POU2AF1: variants seen among roughly 807,000 people sequenced by gnomAD.
POU2AF1 encodes the protein POU class 2 homeobox associating factor 1, also known as POU domain class 2-associating factor 1.
In POU2AF1, 12 loss-of-function variants were observed where a neutral mutation model predicts 26.3. That is an observed-to-expected ratio of 0.46 (90% CI 0.29 to 0.74). The LOEUF (loss-of-function observed/expected upper bound fraction) is 0.74, where lower values mean the gene tolerates loss of function less well. Ranked by LOEUF, POU2AF1 falls within the 30% of genes least tolerant of loss-of-function variation. POU2AF1 has a pLI of 0.09. For synonymous variants in POU2AF1, 175 were observed against 148.0 expected, an observed-to-expected ratio of 1.18 and a Z score of -1.32; for missense variants, 297 against 334.5, an observed-to-expected ratio of 0.89 and a Z score of 0.87.
At chr11:111,367,439 C>G (rs1282693917) in intron 1 of POU2AF1, among the ~76,000 whole-genome samples, 2 of 152,044 alleles carry the variant, frequency 1.3e-5, no homozygotes, top group Admixed American at 6.5e-5. Flanking sequence ...CTTCCTTTAC[C>G]GAGAAGGAAA....
chr11:111,364,521 G>T (rs1861068590), intron 1 of POU2AF1, among the ~76,000 whole-genome samples: 2 of 152,300 alleles, frequency 1.3e-5, no homozygotes, highest in South Asian at 4.1e-4. Context: ...CCTGGTCAAT[G>T]GTAACTTCTC....
Position 111,354,430 on chromosome 11 carries a change from G to C in POU2AF1, c.602C>G (p.Pro201Arg), listed in dbSNP as rs1298852239. The part of the protein sequence containing the change: ...LQYQPPAPAL[P>R]GPQFVQLPIS... ...GGGGAGCTGGACAAACTGGGGCCCA[G>C]GTAGGGCTGGGGCCGGAGGCTGGTA... The change falls in exon 5 of 5, where the codon CCT (proline) becomes CGT (arginine). Residue 201 changes from proline to arginine, a missense_variant. Pro to Arg is a moderately radical substitution (Grantham distance 103). Transcript: ENST00000393067. 1 of 1,614,194 alleles carries C rather than the reference G, an allele frequency of 6.2e-7. No individual in the cohort carries two copies. Among genetic ancestry groups the C allele is most frequent in the Non-Finnish European group, 8.5e-7 (1 of 1,180,020 alleles).
At chr11:111,375,150 G>C (rs1229102967) in intron 1 of POU2AF1, among the ~76,000 whole-genome samples, 3 of 152,044 alleles carry the variant, frequency 2.0e-5, no homozygotes, top group Admixed American at 2.0e-4. Flanking sequence ...AATCAGTCAA[G>C]CCTGCCTTTC....
rs1276252868 is a variant in POU2AF1 at position 111,353,486 on chromosome 11, C to T, written c.*775G>A. 4.3e-6 allele frequency: 1 copy of T among 233,566 alleles called. No homozygotes were observed. Among genetic ancestry groups the T allele is most frequent in the African/African-American group, 2.2e-5 (1 of 45,310 alleles). 14.5% of individuals were successfully genotyped at this position (233,566 alleles called of 1,614,324 possible). ...TTTCTCCCTGCCACCCACTTCCCACCCCTTACTACTCTGAGCCCCAGGCCT... is the reference window on the plus strand; with the variant it reads ...TTTCTCCCTGCCACCCACTTCCCACTCCTTACTACTCTGAGCCCCAGGCCT... On this transcript the variant is annotated 3_prime_UTR_variant, in exon 5 of 5. Transcript: ENST00000393067.
intron 1 of POU2AF1, among the ~76,000 whole-genome samples, chr11:111,370,713 T>C (rs1282112681): frequency 1.3e-5 from 2 of 152,214 alleles, no homozygotes; most frequent in Non-Finnish European, 2.9e-5. Context: ...CAGCCTAAAA[T>C]CCTTGGATTT....
chr11:111,362,603 C>A (rs1266505426), intron 1 of POU2AF1, among the ~76,000 whole-genome samples: 1 of 152,298 alleles, frequency 6.6e-6, no homozygotes, highest in South Asian at 2.1e-4. Flanking sequence ...CTTCACATAA[C>A]GTCCTCCAGT....
In POU2AF1 at chr11:111,359,322, T is replaced by C. The variant is rs17550570; in HGVS notation, c.17-404A>G. 2.0e-3 allele frequency: 470 copies of C among 238,264 alleles called. 8 individuals carry two copies. In the East Asian group the frequency reaches 0.047, roughly 24 times the overall value. The allele number at this position is 238,264 out of a possible 1,614,324, so 14.8% of individuals were successfully genotyped here. ...CGTGGTCAGAATTCCCTCTCACTTCTTCCAACCTCTTGATTCTTGCTGACA... is the reference window on the plus strand; with the variant it reads ...CGTGGTCAGAATTCCCTCTCACTTCCTCCAACCTCTTGATTCTTGCTGACA... On this transcript the variant is annotated intron_variant, in intron 1 of 4. Transcript: ENST00000393067.
At chr11:111,355,118 C>T (rs1195184026) in intron 4 of POU2AF1, among the ~76,000 whole-genome samples, 1 of 152,190 alleles carries the variant, frequency 6.6e-6, no homozygotes, top group African/African-American at 2.4e-5. Flanking sequence ...CCTCCCACCC[C>T]TCTAGTGGTG....
At chr11:111,368,462 G>A (rs543888990) in intron 1 of POU2AF1, among the ~76,000 whole-genome samples, 9 of 152,198 alleles carry the variant, frequency 5.9e-5, no homozygotes, top group African/African-American at 2.2e-4. Context: ...GGAGTCCAGG[G>A]AACTCAGATT....
intron 1 of POU2AF1, among the ~76,000 whole-genome samples, chr11:111,374,707 G>T (rs182402768): frequency 6.6e-6 from 1 of 152,248 alleles, no homozygotes; most frequent in African/African-American, 2.4e-5. Flanking sequence ...AAAAAGAACT[G>T]CTGAATCAAT....
intron 1 of POU2AF1, 132 bp downstream of exon 1, chr11:111,379,030 C>T: frequency 3.4e-6 from 2 of 583,038 alleles, no homozygotes; most frequent in Non-Finnish European, 5.4e-6. Context: ...TGCTCCGGGG[C>T]TTGGAACCCA....
chr11:111,358,616 G>A (rs560562049), intron 2 of POU2AF1, among the ~76,000 whole-genome samples, 172 bp downstream of exon 2: 91 of 79,994 alleles, frequency 1.1e-3, no homozygotes, highest in Admixed American at 6.3e-3. Context: ...ACACACTGAC[G>A]CAGATACACA....
At chr11:111,363,528 T>C (rs1861050226) in intron 1 of POU2AF1, 1 of 979,510 alleles carries the variant, frequency 1.0e-6, no homozygotes, top group Non-Finnish European at 1.2e-6. Flanking sequence ...AAATACAAAT[T>C]TGGGAGAGGA....
At chr11:111,362,307 G>T (rs534860119) in intron 1 of POU2AF1, among the ~76,000 whole-genome samples, 1 of 152,268 alleles carries the variant, frequency 6.6e-6, no homozygotes, top group African/African-American at 2.4e-5. Context: ...ACCTCTTTGT[G>T]TTATAAACAA....
At chr11:111,368,618 C>G (rs912806833) in intron 1 of POU2AF1, among the ~76,000 whole-genome samples, 1 of 152,210 alleles carries the variant, frequency 6.6e-6, no homozygotes, top group African/African-American at 2.4e-5. Context: ...CGAGGGCCCT[C>G]TTCAACTGGG....
intron 1 of POU2AF1, chr11:111,363,576 G>T: frequency 1.5e-6 from 1 of 649,636 alleles, no homozygotes; most frequent in African/African-American, 2.0e-5. Flanking sequence ...CTCACCTTGG[G>T]GATCCCGGAT....
At chr11:111,362,704 G>A (rs1172604617) in intron 1 of POU2AF1, among the ~76,000 whole-genome samples, 4 of 152,156 alleles carry the variant, frequency 2.6e-5, no homozygotes, top group Admixed American at 1.3e-4. Flanking sequence ...CTATTCCTTA[G>A]GCATAAAGTA....
At chr11:111,379,015 C>CA in intron 1 of POU2AF1, 147 bp downstream of exon 1, 1 of 454,312 alleles carries the variant, frequency 2.2e-6, no homozygotes, top group Admixed American at 2.3e-5. Context: ...CACCTCCCCC[C>CA]TCCCTGCTCC....
intron 1 of POU2AF1, among the ~76,000 whole-genome samples, chr11:111,372,524 A>G (rs1232749541): frequency 6.6e-6 from 1 of 152,230 alleles, no homozygotes; most frequent in Non-Finnish European, 1.5e-5. Context: ...AGGACAGCTT[A>G]GCAGGCCAAC....
Sources: gnomAD v4.1 joint callset for allele counts (sites outside exome capture counted in the v4.1 genomes callset) on GRCh38, gnomAD v4.1.1 for gene constraint, MANE v1.5 for transcripts, NCBI Gene and HGNC (gene_info 2026-07-23, HGNC 2026-07-21) for gene names.